Variants in ECE1 observed in about 807,000 individuals in gnomAD.
ECE1 encodes the protein endothelin-converting enzyme 1.
ECE1 carries 35 observed loss-of-function variants against 98.6 expected under a neutral mutation model. The ratio of observed to expected loss-of-function variants is 0.35; its 90% confidence interval spans 0.27 to 0.47. ECE1 has a LOEUF of 0.47. Ranked by LOEUF, ECE1 falls within the 20% of genes least tolerant of loss-of-function variation. The pLI, the probability that ECE1 is intolerant of heterozygous loss-of-function variation, is 1.00. For missense variants in ECE1, 814 were observed against 1,025.3 expected (o/e 0.79, Z 2.81); for synonymous variants, 394 against 407.1 (o/e 0.97, Z 0.39).
At chr1:21,310,030 C>T (rs966123023) in intron 1 of ECE1, among the ~76,000 whole-genome samples, 1 of 151,956 alleles carries the variant, frequency 6.6e-6, no homozygotes, top group African/African-American at 2.4e-5. Context: ...GACCTCGTGT[C>T]GTGATCCACC....
intron 1 of ECE1, among the ~76,000 whole-genome samples, chr1:21,332,174 C>T (rs1381763801): frequency 6.6e-6 from 1 of 152,134 alleles, no homozygotes; most frequent in Admixed American, 6.5e-5. Flanking sequence ...TGGCCCGAGT[C>T]CCTTCCCCTT....
chr1:21,254,249 C>A (rs1250137303), intron 8 of ECE1, among the ~76,000 whole-genome samples: 1 of 151,910 alleles, frequency 6.6e-6, no homozygotes, highest in African/African-American at 2.4e-5. Flanking sequence ...TCGAGAGAAT[C>A]CATATATTTC....
chr1:21,276,736 A>T (rs1376737433), intron 3 of ECE1, among the ~76,000 whole-genome samples: 1 of 137,446 alleles, frequency 7.3e-6, no homozygotes, highest in Non-Finnish European at 1.5e-5. Flanking sequence ...CCCAGGCTGG[A>T]GTGCAGTGGT....
At chr1:21,289,995 G>C (rs12756990) in intron 2 of ECE1, 75 bp downstream of exon 2, 4 of 1,258,696 alleles carry the variant, frequency 3.2e-6, no homozygotes, top group East Asian at 3.2e-5. Flanking sequence ...GGTAGGGGCG[G>C]GGGGCGCGGC....
At chr1:21,246,361 T>G (rs572192181) in intron 9 of ECE1, among the ~76,000 whole-genome samples, 1 of 151,716 alleles carries the variant, frequency 6.6e-6, no homozygotes, top group South Asian at 2.1e-4. Flanking sequence ...TTAGCCGGTG[T>G]GGTGGCAGGC....
Position 21,225,206 on chromosome 1 carries a change from A to C in ECE1, c.2040+44T>G. On this transcript the variant is annotated intron_variant, in intron 17 of 18. Coordinates refer to ENST00000374893, the MANE Select transcript of ECE1 (RefSeq NM_001397.3). This position sits in a 1 kb window ranked among gnomAD's most constrained non-coding sequence, Gnocchi z 5.3. ...CCTCTACGGACAGGCATCTGGAAGG[A>C]GCCAGCACTGGGACCGTGCGCGTGT... 1 of 1,608,256 alleles carries C rather than the reference A, an allele frequency of 6.2e-7. No individual in the cohort carries two copies. Among genetic ancestry groups the C allele is most frequent in the South Asian group, 1.1e-5 (1 of 90,940 alleles).
In ECE1 at chr1:21,258,953, C is replaced by T. The variant is rs553203534; in HGVS notation, c.616-114G>A. The T allele has an allele frequency of 2.7e-5, 38 of 1,431,142 alleles. No individual in the cohort carries two copies. In the South Asian group the frequency reaches 3.5e-4, roughly 13 times the overall value. The allele number at this position is 1,431,142 out of a possible 1,614,324, so 88.7% of individuals were successfully genotyped here. A position where few individuals can be genotyped will look rare whatever the true frequency, so the allele number is the denominator to read the frequency against. On this transcript the variant is annotated intron_variant, in intron 5 of 18. Transcript: ENST00000374893. This position sits in a 1 kb window ranked among gnomAD's most constrained non-coding sequence, Gnocchi z 4.2. ...ACCCTGGAGCAGTCGCCTGACCTCTCTGAGCCTCAAGAGCAAAGGAAAGGA... is the reference window on the plus strand; with the variant it reads ...ACCCTGGAGCAGTCGCCTGACCTCTTTGAGCCTCAAGAGCAAAGGAAAGGA...
At chr1:21,293,449 TG>T (rs202064460), upstream of ECE1, 1,199 of 152,112 alleles carry the variant, frequency 7.9e-3, 8 homozygotes, top group African/African-American at 0.017. Flanking sequence ...GGGCTTAGTC[TG>T]GGGCTGGAGC....
chr1:21,230,063 T>A (rs976082476), intron 14 of ECE1, among the ~76,000 whole-genome samples: 1 of 152,056 alleles, frequency 6.6e-6, no homozygotes, highest in Non-Finnish European at 1.5e-5. Context: ...TAGCCAGGTG[T>A]GGTGGTGTGC....
At chr1:21,308,729 G>A (rs906230810) in intron 1 of ECE1, among the ~76,000 whole-genome samples, 1 of 148,500 alleles carries the variant, frequency 6.7e-6, no homozygotes, top group Non-Finnish European at 1.5e-5. Context: ...GCATGGGAGG[G>A]GCTTGAGTCT....
chr1:21,342,084 G>A (rs1283853226), intron 1 of ECE1, among the ~76,000 whole-genome samples: 1 of 152,168 alleles, frequency 6.6e-6, no homozygotes, highest in Admixed American at 6.5e-5. Context: ...ACAGCAAGCT[G>A]GTAGTACATC....
In ECE1 at chr1:21,260,768, G is replaced by A. The variant is rs373493240; in HGVS notation, c.494-376C>T. Among the ~76,000 whole-genome samples, 3 of 152,184 alleles carry A rather than the reference G, an allele frequency of 2.0e-5. No individual in the cohort carries two copies. Among genetic ancestry groups the A allele is most frequent in the Admixed American group, 6.5e-5 (1 of 15,282 alleles). On this transcript the variant is annotated intron_variant, in intron 4 of 18. Transcript: ENST00000374893. This position sits in a 1 kb window ranked among gnomAD's most constrained non-coding sequence, Gnocchi z 4.3. ...CTGCCTGGTGCATGGGACAGAGGCC[G>A]GTCTTGGTTTTCAGATACCAGATGA... is the stretch of plus-strand genomic sequence containing the variant.
At chr1:21,298,831 C>A (rs181801225) in intron 1 of ECE1, 3 of 456,186 alleles carry the variant, frequency 6.6e-6, no homozygotes, top group African/African-American at 6.0e-5. Flanking sequence ...TCCATCCTTA[C>A]GACTTCAGGT....
At chr1:21,309,679 C>T (rs1039899240) in intron 1 of ECE1, among the ~76,000 whole-genome samples, 2 of 152,160 alleles carry the variant, frequency 1.3e-5, no homozygotes, top group Admixed American at 1.3e-4. Flanking sequence ...TCCTTCAACA[C>T]ATGCTTCAAA....
chr1:21,227,074 TCTCAAA>T, intron 16 of ECE1, 79 bp downstream of exon 16: 1 of 1,403,074 alleles, frequency 7.1e-7, no homozygotes, highest in Non-Finnish European at 1.0e-6. Context: ...CCCAGGCTGG[TCTCAAA>T]CTCCTGCCCT....
Position 21,290,258 on chromosome 1 carries a change from GC to G in ECE1, c.52-103del. The G allele has an allele frequency of 1.5e-6, 2 of 1,364,484 alleles. No individual in the cohort carries two copies. Among genetic ancestry groups the G allele is most frequent in the Non-Finnish European group, 1.9e-6 (2 of 1,052,652 alleles). 84.5% of individuals were successfully genotyped at this position (1,364,484 alleles called of 1,614,324 possible). A position where few individuals can be genotyped will look rare whatever the true frequency, so the allele number is the denominator to read the frequency against. On this transcript the variant is annotated intron_variant, in intron 1 of 18. Coordinates refer to ENST00000374893, the MANE Select transcript of ECE1 (RefSeq NM_001397.3). The surrounding 1 kb of genome is among the most constrained non-coding windows in gnomAD (Gnocchi z 7.3). ...CCTGGCGCCGCCGCCGCCGCGCCCC[GC>G]CCCGGCCTGGACACCCGAGACCGAG...
chr1:21,290,370 C>A lies in ECE1; in HGVS notation c.45G>T (p.Ala15=). The part of the protein sequence containing the change: ...WPPPVSALLS[A]LGMSTYKRAT... ...CAGGCCGCGCCCGCCTCACCCCCAGCGCCGACAGCAGGGCGGACACCGGGG... is the reference window on the plus strand; with the variant it reads ...CAGGCCGCGCCCGCCTCACCCCCAGAGCCGACAGCAGGGCGGACACCGGGG... Residue 15 remains alanine (A), a synonymous_variant, in exon 1 of 19, where the codon GCG becomes GCT. Transcript: ENST00000374893. The surrounding 1 kb of genome is among the most constrained non-coding windows in gnomAD (Gnocchi z 7.3). 8.1e-7 allele frequency: 1 copy of A among 1,235,008 alleles called. No individual in the cohort carries two copies. Among genetic ancestry groups the A allele is most frequent in the Non-Finnish European group, 1.0e-6 (1 of 991,660 alleles). The allele number at this position is 1,235,008 out of a possible 1,614,324, so 76.5% of individuals were successfully genotyped here.
rs747225058 is a variant in ECE1 at position 21,219,923 on chromosome 1, CCTCCTCCGT to C, written c.*23_*31del. On this transcript the variant is annotated 3_prime_UTR_variant, in exon 19 of 19. Transcript: ENST00000374893. The surrounding 1 kb of genome is among the most constrained non-coding windows in gnomAD (Gnocchi z 4.5). ...GGGGGTCTCGTCCTCAGCCCCTTCC[CCTCCTCCGT>C]CTTGGCTCTCTCCGCTTCGTCCTTA... 49 of 1,613,156 alleles carry C rather than the reference CCTCCTCCGT, an allele frequency of 3.0e-5. No homozygotes were observed. Among genetic ancestry groups the C allele is most frequent in the Non-Finnish European group, 4.1e-5 (48 of 1,179,900 alleles).
chr1:21,330,133 CTTTT>C (rs397860522), intron 1 of ECE1, among the ~76,000 whole-genome samples: 2 of 86,490 alleles, frequency 2.3e-5, no homozygotes, highest in Non-Finnish European at 4.2e-5. Flanking sequence ...TCACTAAATA[CTTTT>C]TTTTTTTTTT....
Sources: gnomAD v4.1 joint callset for allele counts (sites outside exome capture counted in the v4.1 genomes callset) on GRCh38, gnomAD v4.1.1 for gene constraint, Gnocchi (gnomAD v3.1) non-coding constraint, MANE v1.5 for transcripts, NCBI Gene and HGNC (gene_info 2026-07-23, HGNC 2026-07-21) for gene names.